Variants in BMP6 observed in about 807,000 individuals in gnomAD.
The protein encoded by BMP6 is bone morphogenetic protein 6.
BMP6 carries 17 observed loss-of-function variants against 54.1 expected under a neutral mutation model. The ratio of observed to expected loss-of-function variants is 0.31; its 90% CI spans 0.22 to 0.47. The LOEUF is 0.47. Ranked by LOEUF, BMP6 falls within the 20% of genes least tolerant of loss-of-function variation. The pLI, the probability that BMP6 is intolerant of heterozygous loss-of-function variation, is 1.00. For synonymous variants in BMP6, 328 were observed against 291.2 expected, an observed-to-expected ratio of 1.13 and a Z score of -1.28; for missense variants, 720 against 690.4, an observed-to-expected ratio of 1.04 and a Z score of -0.48.
At chr6:7,775,490 AT>A (rs1293015762) in intron 1 of BMP6, among the ~76,000 whole-genome samples, 1 of 152,174 alleles carries the variant, frequency 6.6e-6, no homozygotes, top group African/African-American at 2.4e-5. Context: ...CATCATGCAG[AT>A]TTTGGTTTTT....
chr6:7,873,025 C>G (rs1759554470), intron 4 of BMP6, among the ~76,000 whole-genome samples: 1 of 152,054 alleles, frequency 6.6e-6, no homozygotes, highest in Non-Finnish European at 1.5e-5. Context: ...AGGCTGATCT[C>G]AAACTCATGG....
intron 1 of BMP6, among the ~76,000 whole-genome samples, chr6:7,751,885 G>A (rs533880883): frequency 2.0e-5 from 3 of 152,348 alleles, no homozygotes; most frequent in South Asian, 2.1e-4. Context: ...CAGAATCTCA[G>A]AAGTTATTTA....
At chr6:7,874,286 G>A (rs978438825) in intron 4 of BMP6, among the ~76,000 whole-genome samples, 2 of 152,214 alleles carry the variant, frequency 1.3e-5, no homozygotes, top group Admixed American at 6.5e-5. Flanking sequence ...GGTTGATAGA[G>A]GATGTGGGTT....
At chr6:7,777,235 C>T (rs1407741974) in intron 1 of BMP6, among the ~76,000 whole-genome samples, 1 of 152,170 alleles carries the variant, frequency 6.6e-6, no homozygotes, top group Non-Finnish European at 1.5e-5. Flanking sequence ...CTGGCTGAGT[C>T]ATTCGGATTA....
At chr6:7,738,314 C>G in intron 1 of BMP6, among the ~76,000 whole-genome samples, 1 of 152,164 alleles carries the variant, frequency 6.6e-6, no homozygotes, top group East Asian at 1.9e-4. Flanking sequence ...CACTCCTGAA[C>G]CTTCTCCTGT....
intron 1 of BMP6, among the ~76,000 whole-genome samples, chr6:7,838,148 A>T (rs11960998): frequency 0.022 from 3,306 of 152,084 alleles, 125 homozygotes; most frequent in African/African-American, 0.073. Context: ...GTATAGTAAG[A>T]TATTTTGAAA....
intron 1 of BMP6, among the ~76,000 whole-genome samples, chr6:7,793,887 T>C (rs1336787894): frequency 6.6e-6 from 1 of 152,196 alleles, no homozygotes; most frequent in Non-Finnish European, 1.5e-5. Flanking sequence ...CCCTGATGCC[T>C]GCTGATGTGT....
rs185397311 is a variant in BMP6, at chr6:7,753,195, G to A, written c.664+25576G>A. Among the ~76,000 whole-genome samples, 8 of 152,292 alleles carry A rather than the reference G, an allele frequency of 5.3e-5. No homozygotes were observed. The East Asian group carries it at 1.5e-3, about 29-fold the overall frequency. ...CACCTGCTACTTAATTGATCAAATGGTCACTGGTAAGCCCTGTCTCTTCTA... is the reference window on the plus strand; with the variant it reads ...CACCTGCTACTTAATTGATCAAATGATCACTGGTAAGCCCTGTCTCTTCTA... On this transcript the variant is annotated intron_variant, in intron 1 of 6. Transcript: ENST00000283147.
chr6:7,875,489 G>T (rs1291285472), intron 4 of BMP6, among the ~76,000 whole-genome samples: 3 of 152,046 alleles, frequency 2.0e-5, no homozygotes, highest in African/African-American at 7.2e-5. Flanking sequence ...ACCAGCCTCG[G>T]CAACATAGCA....
chr6:7,727,642 TGAC>T lies in BMP6; in HGVS notation c.664+26_664+28del, dbSNP rs770555212. 14 of 1,504,484 alleles carry T rather than the reference TGAC, an allele frequency of 9.3e-6. No individual in the cohort carries two copies. The South Asian group carries it at 1.7e-4, about 18-fold the overall frequency. 93.2% of individuals were successfully genotyped at this position (1,504,484 alleles called of 1,614,324 possible). On this transcript the variant is annotated intron_variant, in intron 1 of 6. Coordinates refer to ENST00000283147, the MANE Select transcript of BMP6 (RefSeq NM_001718.6). Reference sequence around the variant, plus strand: ...TGGGTAAGGATTTGGGGTAACGTAATGACGAGAACATTTCCCCCTTTTCAGTGT... The same window carrying T: ...TGGGTAAGGATTTGGGGTAACGTAATGAGAACATTTCCCCCTTTTCAGTGT...
chr6:7,879,552 G>A (rs1299560079), intron 5 of BMP6, among the ~76,000 whole-genome samples: 5 of 152,190 alleles, frequency 3.3e-5, no homozygotes, highest in Admixed American at 2.6e-4. Flanking sequence ...CTCACCAAAC[G>A]ATGCAGAAGA....
chr6:7,750,431 C>T (rs1445261440), intron 1 of BMP6, among the ~76,000 whole-genome samples: 3 of 152,158 alleles, frequency 2.0e-5, no homozygotes, highest in Non-Finnish European at 4.4e-5. Flanking sequence ...AAACTGAAAG[C>T]CGAGCAGATA....
At chr6:7,834,391 C>T (rs1015214314) in intron 1 of BMP6, among the ~76,000 whole-genome samples, 1 of 151,238 alleles carries the variant, frequency 6.6e-6, no homozygotes, top group African/African-American at 2.4e-5. Context: ...AGAACAGGCA[C>T]CAAGTTAGAA....
chr6:7,881,553 G>A lies in BMP6; in HGVS notation c.*1210G>A, dbSNP rs1477054760. 1.3e-5 allele frequency: 2 copies of A among 152,248 alleles called. No individual in the cohort carries two copies. Among genetic ancestry groups the A allele is most frequent in the East Asian group, 1.9e-4 (1 of 5,192 alleles). The allele number at this position is 152,248 out of a possible 1,614,324, so 9.4% of individuals were successfully genotyped here. On this transcript the variant is annotated 3_prime_UTR_variant, in exon 7 of 7. Transcript: ENST00000283147. ...AAGAGTTTATTTAGAAAGTATCATA[G>A]TGTAAACAAACAAATTGTACCACTT... is the stretch of plus-strand genomic sequence containing the variant.
chr6:7,848,473 C>A (rs749699582), intron 2 of BMP6, among the ~76,000 whole-genome samples: 3 of 152,162 alleles, frequency 2.0e-5, no homozygotes, highest in Non-Finnish European at 2.9e-5. Flanking sequence ...GTTTTAGACA[C>A]CCCTGTGATT....
chr6:7,855,298 C>T (rs535935460), intron 2 of BMP6, among the ~76,000 whole-genome samples: 46 of 152,264 alleles, frequency 3.0e-4, no homozygotes, highest in African/African-American at 9.9e-4. Context: ...ATCAGCATCA[C>T]GTGGGAACCT....
chr6:7,779,463 C>T lies in BMP6; in HGVS notation c.664+51844C>T, dbSNP rs138416418. On this transcript the variant is annotated intron_variant, in intron 1 of 6. Coordinates refer to ENST00000283147, the MANE Select transcript of BMP6 (RefSeq NM_001718.6). ...AAGTGATTCTCCTACCTCAGCCTCC[C>T]GAGTAGCTGGGATTACAGGCGCCCA... Among the ~76,000 whole-genome samples the T allele has an allele frequency of 6.2e-3, 942 of 152,124 alleles. 7 individuals carry two copies. The highest frequency in any genetic ancestry group is 0.022 in the African/African-American group (895 of 41,476).
At chr6:7,767,915 A>G (rs373181423) in intron 1 of BMP6, among the ~76,000 whole-genome samples, 23 of 152,126 alleles carry the variant, frequency 1.5e-4, no homozygotes, top group South Asian at 4.1e-4. Flanking sequence ...TCTGTGGTCT[A>G]TGATTAGGTC....
intron 1 of BMP6, among the ~76,000 whole-genome samples, chr6:7,809,639 C>T (rs1051325368): frequency 6.6e-5 from 10 of 152,282 alleles, no homozygotes; most frequent in South Asian, 6.2e-4. Flanking sequence ...CCACATTCCA[C>T]CCACCACCAT....
Sources: gnomAD v4.1 joint callset for allele counts (sites outside exome capture counted in the v4.1 genomes callset) on GRCh38, gnomAD v4.1.1 for gene constraint, MANE v1.5 for transcripts, NCBI Gene and HGNC (gene_info 2026-07-23, HGNC 2026-07-21) for gene names.